Variants in MTMR8 observed in about 807,000 individuals in gnomAD.
MTMR8 encodes myotubularin related protein 8.
MTMR8 carries 65 observed loss-of-function variants against 39.3 expected under a neutral mutation model. The observed-to-expected ratio is 1.65, with a 90% CI of 1.35 to 2.03. The LOEUF is 2.03. Among genes scored for constraint, MTMR8 ranks in the 30% most tolerant of loss-of-function variants. The pLI is 0.00. For synonymous variants in MTMR8, 245 were observed against 185.2 expected, an observed-to-expected ratio of 1.32 and a Z score of -2.62; for missense variants, 777 against 538.9, an observed-to-expected ratio of 1.44 and a Z score of -4.37.
rs918876439 is a variant in MTMR8, at chrX:64,395,374, C to G, written c.-11G>C. On this transcript the variant is annotated 5_prime_UTR_variant, in exon 1 of 14. Transcript: ENST00000374852. The stretch of plus-strand genomic sequence containing the variant: ...CGTAATATGATCCATGACTGCAGTT[C>G]CCGCCACCGGAAGATCTCAGTGCTA... The G allele has an allele frequency of 4.1e-6, 5 of 1,209,094 alleles. No individual in the cohort carries two copies. The highest frequency in any genetic ancestry group is 5.6e-6 in the Non-Finnish European group (5 of 894,302).
intron 12 of MTMR8, among the ~76,000 whole-genome samples, chrX:64,301,130 C>T (rs1216543282): frequency 9.2e-6 from 1 of 108,526 alleles, no homozygotes; most frequent in Non-Finnish European, 1.9e-5. Flanking sequence ...GCCTGCCTTG[C>T]TAGATTGGGG....
intron 1 of MTMR8, among the ~76,000 whole-genome samples, chrX:64,393,209 T>A (rs1459105056): frequency 8.9e-6 from 1 of 111,919 alleles, no homozygotes; most frequent in Non-Finnish European, 1.9e-5. Context: ...GCATTCCACA[T>A]CTATGGATCT....
rs1161718071 is a variant in MTMR8 at position 64,310,388 on chromosome X, C to A, written c.1481+18384G>T. Among the ~76,000 whole-genome samples the A allele has an allele frequency of 1.8e-4, 20 of 111,368 alleles. No homozygotes were observed. In the Admixed American group the frequency reaches 1.8e-3, roughly 10 times the overall value. On this transcript the variant is annotated intron_variant, in intron 12 of 13. Transcript: ENST00000374852. The stretch of plus-strand genomic sequence containing the variant: ...ATTTCACCATATCTGCCGTTATATC[C>A]TCCACTGAAGTCTTGAACTCATCAA...
chrX:64,331,772 TA>T lies in MTMR8; in HGVS notation c.1152-16del. On this transcript the variant is annotated splice_polypyrimidine_tract_variant and intron_variant, in intron 10 of 13. Coordinates refer to ENST00000374852, the MANE Select transcript of MTMR8 (RefSeq NM_017677.4). ...GGTGGCCACACCTGAGAGATGAAAA[TA>T]AAGGTAAAGAAAGACACTAGTTAGC... 8.5e-7 allele frequency: 1 copy of T among 1,170,750 alleles called. No homozygotes were observed. The highest frequency in any genetic ancestry group is 1.2e-6 in the Non-Finnish European group (1 of 861,446).
intron 10 of MTMR8, among the ~76,000 whole-genome samples, chrX:64,333,363 GA>G (rs966064096): frequency 6.3e-5 from 7 of 110,405 alleles, no homozygotes; most frequent in Non-Finnish European, 1.1e-4. Context: ...CCATTAAGTA[GA>G]AAAAAAAATT....
chrX:64,362,345 T>C (rs1397091727), intron 1 of MTMR8, among the ~76,000 whole-genome samples: 1 of 105,750 alleles, frequency 9.5e-6, no homozygotes, highest in Non-Finnish European at 1.9e-5. Context: ...CCCCACAAAT[T>C]GCTAAATCAA....
chrX:64,372,901 C>A (rs1465514046), intron 1 of MTMR8, among the ~76,000 whole-genome samples: 1 of 111,365 alleles, frequency 9.0e-6, no homozygotes, highest in East Asian at 2.8e-4. Flanking sequence ...TATGTATGCA[C>A]TTAAAGGAAA....
chrX:64,393,173 C>A (rs1389634287), intron 1 of MTMR8, among the ~76,000 whole-genome samples: 1 of 111,953 alleles, frequency 8.9e-6, no homozygotes, highest in Admixed American at 9.5e-5. Flanking sequence ...CCAGTCTGAG[C>A]ACTCCTATCT....
At chrX:64,324,280 T>G (rs1282421422) in intron 12 of MTMR8, among the ~76,000 whole-genome samples, 2 of 111,886 alleles carry the variant, frequency 1.8e-5, no homozygotes, top group Admixed American at 9.5e-5. Context: ...GAGGATCATG[T>G]GAGCTCAGGA....
At chrX:64,346,127 C>T (rs1292528028) in intron 6 of MTMR8, among the ~76,000 whole-genome samples, 1 of 111,069 alleles carries the variant, frequency 9.0e-6, no homozygotes, top group South Asian at 3.8e-4. Flanking sequence ...ATATAATAAC[C>T]AGAAGGCAGC....
intron 12 of MTMR8, among the ~76,000 whole-genome samples, chrX:64,303,756 A>C (rs1260285801): frequency 8.9e-6 from 1 of 112,703 alleles, no homozygotes. Flanking sequence ...CATCATTTTC[A>C]TATAAAACAA....
At chrX:64,301,546 T>C (rs1171314190) in intron 12 of MTMR8, among the ~76,000 whole-genome samples, 2 of 111,486 alleles carry the variant, frequency 1.8e-5, no homozygotes, top group Non-Finnish European at 3.8e-5. Flanking sequence ...CTCAGAGTAA[T>C]TTGATCATCT....
chrX:64,286,801 T>C (rs1184649742), intron 12 of MTMR8, among the ~76,000 whole-genome samples: 1 of 111,569 alleles, frequency 9.0e-6, no homozygotes, highest in East Asian at 2.8e-4. Context: ...TAGGTATTGA[T>C]GGGATATATC....
intron 8 of MTMR8, among the ~76,000 whole-genome samples, chrX:64,342,979 G>T (rs1923257079): frequency 9.0e-6 from 1 of 111,544 alleles, no homozygotes; most frequent in Non-Finnish European, 1.9e-5. Context: ...AGGCTACAGA[G>T]CCTAGGGTCC....
chrX:64,348,259 GA>G lies in MTMR8; in HGVS notation c.732+400del, dbSNP rs201587553. 5.3e-3 allele frequency among the ~76,000 whole-genome samples: 545 copies of G among 102,469 alleles called. 4 individuals are homozygous for G. The highest frequency in any genetic ancestry group is 0.017 in the African/African-American group (479 of 28,329). 89.0% of individuals were successfully genotyped at this position (102,469 alleles called of 115,157 possible). On this transcript the variant is annotated intron_variant, in intron 6 of 13. Transcript: ENST00000374852. The stretch of plus-strand genomic sequence containing the variant: ...ATTACTGTGGCCTAACACATTTATA[GA>G]AAAAAAAAAAACATGTTGGTTGTAG...
intron 1 of MTMR8, among the ~76,000 whole-genome samples, chrX:64,364,814 G>A (rs1459245708): frequency 2.7e-5 from 3 of 111,626 alleles, no homozygotes; most frequent in Non-Finnish European, 5.6e-5. Flanking sequence ...AAACTTCTAC[G>A]AGCTAAAGAA....
At chrX:64,387,421 G>A (rs867296260) in intron 1 of MTMR8, among the ~76,000 whole-genome samples, 3 of 111,098 alleles carry the variant, frequency 2.7e-5, no homozygotes, top group Admixed American at 9.6e-5. Flanking sequence ...AACAGTCTTT[G>A]AGGAAGCCTG....
At chrX:64,282,995 A>C (rs1310663698) in intron 12 of MTMR8, among the ~76,000 whole-genome samples, 1 of 111,825 alleles carries the variant, frequency 8.9e-6, no homozygotes, top group East Asian at 2.8e-4. Context: ...CAGTGGGTGC[A>C]GCCCACCGAC....
At chrX:64,375,131 C>A (rs1924235977) in intron 1 of MTMR8, among the ~76,000 whole-genome samples, 1 of 107,834 alleles carries the variant, frequency 9.3e-6, no homozygotes, top group South Asian at 4.1e-4. Flanking sequence ...GAGGCCAAGG[C>A]AGGAGAATCA....
Sources: gnomAD v4.1 joint callset for allele counts (sites outside exome capture counted in the v4.1 genomes callset) on GRCh38, gnomAD v4.1.1 for gene constraint, MANE v1.5 for transcripts, NCBI Gene and HGNC (gene_info 2026-07-23, HGNC 2026-07-21) for gene names.